RANBP10: variants seen among roughly 807,000 people sequenced by gnomAD.
RANBP10 encodes RAN binding protein 10.
Under a neutral mutation model 72.8 loss-of-function variants are expected in RANBP10, and 24 were observed. That is an observed-to-expected ratio of 0.33 (90% CI 0.24 to 0.46). RANBP10 has a LOEUF of 0.46. Ranked by LOEUF, RANBP10 falls within the 20% of genes least tolerant of loss-of-function variation. The pLI is 1.00. For synonymous variants in RANBP10, 310 were observed against 322.3 expected (o/e 0.96, Z 0.41); for missense variants, 679 against 817.5 (o/e 0.83, Z 2.07).
In RANBP10 at chr16:67,729,026, G is replaced by A. The variant is rs1303855929; in HGVS notation, c.1352+254C>T. Among the ~76,000 whole-genome samples the A allele has an allele frequency of 6.6e-6, 1 of 152,254 alleles. No homozygotes were observed. The highest frequency in any genetic ancestry group is 1.5e-5 in the Non-Finnish European group (1 of 68,044). On this transcript the variant is annotated intron_variant, in intron 10 of 13. Transcript: ENST00000317506. The surrounding 1 kb of genome is among the most constrained non-coding windows in gnomAD (Gnocchi z 7.1). ...GGTTCTCACAGGCCCGGCCTCTTTG[G>A]AGGAGACCACATCCTCAGCCTGGCA...
intron 2 of RANBP10, among the ~76,000 whole-genome samples, chr16:67,802,767 A>G (rs1337472015): frequency 6.6e-6 from 1 of 152,226 alleles, no homozygotes; most frequent in East Asian, 1.9e-4. Context: ...ATAGTTCACC[A>G]ATCTAACATG....
At chr16:67,749,501 G>A (rs985590235) in intron 3 of RANBP10, among the ~76,000 whole-genome samples, 1 of 152,144 alleles carries the variant, frequency 6.6e-6, no homozygotes, top group African/African-American at 2.4e-5. Flanking sequence ...CTGGATCCAG[G>A]CTCTATTCTC....
intron 4 of RANBP10, chr16:67,739,791 G>A (rs2053930681): frequency 1.3e-5 from 2 of 152,120 alleles, no homozygotes; most frequent in Admixed American, 1.3e-4. Context: ...ACAAAAAACA[G>A]CCTGTCAAAA....
In RANBP10 at chr16:67,729,258, G is replaced by A; in HGVS notation, c.1352+22C>T. 2 of 1,610,018 alleles carry A rather than the reference G, an allele frequency of 1.2e-6. No homozygotes were observed. The highest frequency in any genetic ancestry group is 1.7e-6 in the Non-Finnish European group (2 of 1,178,554). On this transcript the variant is annotated intron_variant, in intron 10 of 13. Transcript: ENST00000317506. This position sits in a 1 kb window ranked among gnomAD's most constrained non-coding sequence, Gnocchi z 7.1. ...CTGGCATAAGGCAGAAGGCAGAGGA[G>A]GAAGCAGAGCAAGGCAGGCACCTGG... is the stretch of plus-strand genomic sequence containing the variant.
At chr16:67,762,198 G>A (rs1047639029) in intron 3 of RANBP10, among the ~76,000 whole-genome samples, 2 of 152,142 alleles carry the variant, frequency 1.3e-5, no homozygotes, top group Non-Finnish European at 2.9e-5. Flanking sequence ...CCAGGAGTCT[G>A]AGGTTACAAG....
intron 3 of RANBP10, chr16:67,762,728 C>T (rs941991309): frequency 1.3e-5 from 2 of 152,276 alleles, no homozygotes; most frequent in Non-Finnish European, 2.9e-5. Flanking sequence ...AGGCAGGCCG[C>T]AGGCTGATGG....
rs887819163 is a variant in RANBP10, at chr16:67,724,049, T to C, written c.*2379A>G. 1.0e-4 allele frequency: 16 copies of C among 152,718 alleles called. No individual in the cohort carries two copies. The highest frequency in any genetic ancestry group is 3.4e-4 in the African/African-American group (14 of 41,426). The allele number at this position is 152,718 out of a possible 1,614,324, so 9.5% of individuals were successfully genotyped here. A position where few individuals can be genotyped will look rare whatever the true frequency, so the allele number is the denominator to read the frequency against. ...GGCACAGAAAATGGGGAGGTGGCCA[T>C]GGGTACCAAGTGCGAGCCAGGCAGA... On this transcript the variant is annotated 3_prime_UTR_variant, in exon 14 of 14. Coordinates refer to ENST00000317506, the MANE Select transcript of RANBP10 (RefSeq NM_020850.3).
Position 67,805,554 on chromosome 16 carries a change from C to T in RANBP10, c.236-15G>A. Reference sequence around the variant, plus strand: ...TTTGCCATGACCTAACAGGAGAGGGCAAGTAAGAAATTTCAGCAGAAGGAA... The same window carrying T: ...TTTGCCATGACCTAACAGGAGAGGGTAAGTAAGAAATTTCAGCAGAAGGAA... On this transcript the variant is annotated splice_polypyrimidine_tract_variant and intron_variant, in intron 1 of 13. Coordinates refer to ENST00000317506, the MANE Select transcript of RANBP10 (RefSeq NM_020850.3). 6.2e-7 allele frequency: 1 copy of T among 1,607,208 alleles called. No individual in the cohort carries two copies. Among genetic ancestry groups the T allele is most frequent in the Non-Finnish European group, 8.5e-7 (1 of 1,175,936 alleles).
At chr16:67,761,280 A>G (rs948982996) in intron 3 of RANBP10, among the ~76,000 whole-genome samples, 4 of 152,162 alleles carry the variant, frequency 2.6e-5, no homozygotes, top group African/African-American at 9.7e-5. Flanking sequence ...CTGGAGAGGG[A>G]CTTTCTGTTA....
intron 2 of RANBP10, among the ~76,000 whole-genome samples, chr16:67,780,836 C>T (rs929372191): frequency 2.0e-5 from 3 of 152,210 alleles, no homozygotes; most frequent in African/African-American, 7.2e-5. Flanking sequence ...TCTCTGAGAC[C>T]CACTTGGAAA....
chr16:67,726,763 G>A (rs750996898), intron 13 of RANBP10, among the ~76,000 whole-genome samples: 1 of 152,232 alleles, frequency 6.6e-6, no homozygotes, highest in Non-Finnish European at 1.5e-5. Context: ...CATGTAGAGC[G>A]CTGGGCTGGC....
intron 2 of RANBP10, among the ~76,000 whole-genome samples, chr16:67,779,045 G>T (rs745814617): frequency 6.6e-6 from 1 of 151,946 alleles, no homozygotes; most frequent in Admixed American, 6.6e-5. Context: ...AGTGCCTCCC[G>T]CCATTGCACT....
At chr16:67,800,959 G>C (rs2055225167) in intron 2 of RANBP10, among the ~76,000 whole-genome samples, 1 of 152,148 alleles carries the variant, frequency 6.6e-6, no homozygotes, top group South Asian at 2.1e-4. Context: ...TGAGGACAAA[G>C]CTGATCTGTG....
chr16:67,774,932 A>C (rs895224400), intron 2 of RANBP10, among the ~76,000 whole-genome samples: 4 of 152,242 alleles, frequency 2.6e-5, no homozygotes, highest in Non-Finnish European at 4.4e-5. Flanking sequence ...TTAAATGGTG[A>C]CTTGTATAGC....
chr16:67,733,400 C>T (rs1052539101), intron 6 of RANBP10, among the ~76,000 whole-genome samples: 5 of 152,080 alleles, frequency 3.3e-5, no homozygotes, highest in Admixed American at 6.6e-5. Flanking sequence ...ATTATTATTA[C>T]ACCATATTAT....
intron 2 of RANBP10, among the ~76,000 whole-genome samples, chr16:67,779,255 C>T (rs1333565729): frequency 1.3e-5 from 2 of 151,934 alleles, no homozygotes; most frequent in African/African-American, 4.8e-5. Flanking sequence ...ATTAACCAGA[C>T]ATGGTAGTGC....
intron 2 of RANBP10, among the ~76,000 whole-genome samples, chr16:67,802,586 C>T (rs773888283): frequency 3.3e-5 from 5 of 151,918 alleles, no homozygotes; most frequent in Admixed American, 6.6e-5. Flanking sequence ...TGCAATGAGC[C>T]GAGATTGAGT....
At chr16:67,788,676 C>A (rs1166411042) in intron 2 of RANBP10, among the ~76,000 whole-genome samples, 1 of 151,826 alleles carries the variant, frequency 6.6e-6, no homozygotes, top group Admixed American at 6.6e-5. Flanking sequence ...AGGCATGAGC[C>A]ACCGCTCCTG....
chr16:67,764,006 A>G (rs2054450100), intron 3 of RANBP10, among the ~76,000 whole-genome samples: 1 of 152,208 alleles, frequency 6.6e-6, no homozygotes, highest in Non-Finnish European at 1.5e-5. Context: ...CAAGTACTGG[A>G]TATTTTAATC....
Sources: allele counts gnomAD v4.1 joint callset (sites outside exome capture counted in the v4.1 genomes callset), GRCh38; gene constraint gnomAD v4.1.1; non-coding constraint Gnocchi (gnomAD v3.1); transcripts MANE v1.5; gene names NCBI Gene and HGNC (gene_info 2026-07-23, HGNC 2026-07-21).